Variants in PLCH1 observed in about 807,000 individuals in gnomAD.
PLCH1 encodes the protein phospholipase C eta 1.
Under a neutral mutation model 126.7 loss-of-function variants are expected in PLCH1, and 60 were observed. The ratio of observed to expected loss-of-function variants is 0.47; its 90% confidence interval spans 0.38 to 0.59. PLCH1 has a LOEUF of 0.59. PLCH1 is among the 20% of genes least tolerant of loss of function. PLCH1 has a pLI of 0.00. For synonymous variants in PLCH1, 719 were observed against 734.9 expected, an observed-to-expected ratio of 0.98 and a Z score of 0.35; for missense variants, 1,723 against 2,040.0, an observed-to-expected ratio of 0.84 and a Z score of 2.99.
chr3:155,554,039 A>G, intron 9 of PLCH1, 37 bp downstream of exon 9: 3 of 1,606,588 alleles, frequency 1.9e-6, no homozygotes, highest in East Asian at 2.2e-5. Context: ...TCCATGCGGG[A>G]GGCTACCGCT....
chr3:155,734,240 C>T (rs1748991796), intron 1 of PLCH1, among the ~76,000 whole-genome samples: 1 of 151,982 alleles, frequency 6.6e-6, no homozygotes, highest in South Asian at 2.1e-4. Flanking sequence ...GGGAGGATCA[C>T]TTGAGCCCAG....
chr3:155,596,413 A>C (rs750121464), intron 2 of PLCH1, 35 bp from the exon 3 acceptor site: 1 of 1,589,962 alleles, frequency 6.3e-7, no homozygotes, highest in South Asian at 1.1e-5. Context: ...CAGCTATCAC[A>C]CAATGCACAG....
At chr3:155,496,159 G>A (rs975931828) in intron 15 of PLCH1, among the ~76,000 whole-genome samples, 3 of 152,022 alleles carry the variant, frequency 2.0e-5, no homozygotes. Context: ...TCATTTTGTG[G>A]CTGGCAAAAA....
chr3:155,744,394 C>T (rs1749837780), intron 1 of PLCH1, among the ~76,000 whole-genome samples: 1 of 152,198 alleles, frequency 6.6e-6, no homozygotes, highest in Admixed American at 6.5e-5. Flanking sequence ...TGTGAGACTC[C>T]CCAAGTGTAA....
At chr3:155,489,016 G>T (rs557648905) in intron 19 of PLCH1, among the ~76,000 whole-genome samples, 1 of 152,192 alleles carries the variant, frequency 6.6e-6, no homozygotes, top group Non-Finnish European at 1.5e-5. Context: ...AAAATTGCCT[G>T]TAAATTATCA....
At chr3:155,605,668 C>T (rs553989115) in intron 2 of PLCH1, among the ~76,000 whole-genome samples, 29 of 152,312 alleles carry the variant, frequency 1.9e-4, no homozygotes, top group Admixed American at 1.0e-3. Flanking sequence ...TGCTACAGCT[C>T]GGTAGCAAAG....
intron 13 of PLCH1, among the ~76,000 whole-genome samples, chr3:155,502,385 G>A (rs1008972457): frequency 6.6e-6 from 1 of 152,062 alleles, no homozygotes; most frequent in African/African-American, 2.4e-5. Context: ...TCTATAAATA[G>A]TCTAATGGAC....
At chr3:155,583,068 T>C (rs937352700) in intron 6 of PLCH1, among the ~76,000 whole-genome samples, 8 of 150,310 alleles carry the variant, frequency 5.3e-5, no homozygotes, top group Non-Finnish European at 8.9e-5. Context: ...TAAATATAAA[T>C]TTATATTTAA....
chr3:155,580,344 T>C (rs1328023613), intron 6 of PLCH1, among the ~76,000 whole-genome samples: 2 of 152,196 alleles, frequency 1.3e-5, no homozygotes, highest in Non-Finnish European at 2.9e-5. Context: ...AAGCAAAACA[T>C]TGAAGACTCT....
chr3:155,602,107 T>C (rs1225720799), intron 2 of PLCH1, among the ~76,000 whole-genome samples: 1 of 152,134 alleles, frequency 6.6e-6, no homozygotes, highest in Non-Finnish European at 1.5e-5. Flanking sequence ...GGAGACAGGT[T>C]GAGTAAAATA....
At position 155,482,198 on chromosome 3, in the gene PLCH1, T is replaced by C; in HGVS notation, c.3828A>G (p.Lys1276=). 6.2e-7 allele frequency: 1 copy of C among 1,614,164 alleles called. No individual in the cohort carries two copies. Among genetic ancestry groups the C allele is most frequent in the Non-Finnish European group, 8.5e-7 (1 of 1,180,032 alleles). ...VYETTCTPIS[K]TKPDDDLSSK... ...TAGAAAGGTCATCATCTGGTTTGGT[T>C]TTAGAGATGGGAGTGCAGGTAGTTT... Residue 1276 remains lysine, a synonymous_variant, in exon 23 of 23, where the codon AAA becomes AAG. Transcript: ENST00000460012.
Position 155,596,389 on chromosome 3 carries a change from A to C in PLCH1, c.80-11T>G, listed in dbSNP as rs1732991625. The C allele has an allele frequency of 6.2e-7, 1 of 1,609,328 alleles. No individual in the cohort carries two copies. Among genetic ancestry groups the C allele is most frequent in the Non-Finnish European group, 8.5e-7 (1 of 1,177,256 alleles). ...TCATGCATCTTTCAACTGCAAAAGA[A>C]ATTAGAGTGTATCCAGCTATCACAC... On this transcript the variant is annotated splice_polypyrimidine_tract_variant and intron_variant, in intron 2 of 22. Transcript: ENST00000460012.
chr3:155,728,253 G>A (rs536374913), intron 1 of PLCH1, among the ~76,000 whole-genome samples: 75 of 152,122 alleles, frequency 4.9e-4, no homozygotes, highest in Non-Finnish European at 5.0e-4. Context: ...TTCATATTCA[G>A]AGCCACAGAT....
intron 2 of PLCH1, among the ~76,000 whole-genome samples, chr3:155,620,181 A>G (rs1736285764): frequency 6.6e-6 from 1 of 152,242 alleles, no homozygotes; most frequent in Non-Finnish European, 1.5e-5. Flanking sequence ...GTATGCATAG[A>G]TAATAAGAGC....
rs776086144 is a variant in PLCH1 at position 155,481,756 on chromosome 3, T to C, written c.4270A>G (p.Ile1424Val). 1 of 1,614,164 alleles carries C rather than the reference T, an allele frequency of 6.2e-7. No individual in the cohort carries two copies. The highest frequency in any genetic ancestry group is 8.5e-7 in the Non-Finnish European group (1 of 1,180,004). The change falls in exon 23 of 23, where the codon ATT (isoleucine) becomes GTT (valine). Residue 1424 changes from isoleucine to valine, a missense_variant. Ile to Val is a conservative substitution (Grantham distance 29, BLOSUM62 3). Transcript: ENST00000460012. The surrounding 1 kb of genome is among the most constrained non-coding windows in gnomAD (Gnocchi z 4.2). ...NNIQDVKTQS[I>V]SYLAYQGAGF... ...GCACCCTGATAGGCTAGATAAGAAA[T>C]ACTTTGAGTTTTGACATCTTGAATA...
At chr3:155,624,018 C>T (rs1300874532) in intron 2 of PLCH1, among the ~76,000 whole-genome samples, 7 of 152,046 alleles carry the variant, frequency 4.6e-5, no homozygotes, top group African/African-American at 1.2e-4. Flanking sequence ...ACTGGCAAAC[C>T]GAATCCAACA....
At chr3:155,598,504 C>T (rs556774812) in intron 2 of PLCH1, among the ~76,000 whole-genome samples, 7 of 152,184 alleles carry the variant, frequency 4.6e-5, no homozygotes, top group Non-Finnish European at 1.0e-4. Context: ...ACTCCCTGTT[C>T]CAGGCACAAG....
intron 4 of PLCH1, among the ~76,000 whole-genome samples, chr3:155,592,495 C>CGTCCCCAA: frequency 7.4e-6 from 1 of 135,930 alleles, no homozygotes; most frequent in East Asian, 2.2e-4. Flanking sequence ...ACTCCATCTC[C>CGTCCCCAA]AAAAAAAAAA....
intron 21 of PLCH1, among the ~76,000 whole-genome samples, chr3:155,473,185 G>A (rs1324566550): frequency 2.7e-5 from 4 of 150,926 alleles, no homozygotes; most frequent in African/African-American, 4.9e-5. Flanking sequence ...AAACCCCATT[G>A]TCTCAGCCCA....
Sources: gnomAD v4.1 joint callset for allele counts (sites outside exome capture counted in the v4.1 genomes callset) on GRCh38, gnomAD v4.1.1 for gene constraint, Gnocchi (gnomAD v3.1) non-coding constraint, MANE v1.5 for transcripts, NCBI Gene and HGNC (gene_info 2026-07-23, HGNC 2026-07-21) for gene names.